The following CKAP5 variants were observed in gnomAD, a reference collection of about 807,000 sequenced individuals.
The protein encoded by CKAP5 is cytoskeleton associated protein 5.
CKAP5 carries 27 observed loss-of-function variants against 232.8 expected under a neutral mutation model. The ratio of observed to expected loss-of-function variants is 0.12; its 90% CI spans 0.09 to 0.16. The LOEUF is 0.16. Ranked by LOEUF, CKAP5 falls within the 10% of genes least tolerant of loss-of-function variation. The pLI is 1.00. For missense variants in CKAP5, 1,838 were observed against 2,424.7 expected (o/e 0.76, Z 5.08); for synonymous variants, 785 against 841.1 (o/e 0.93, Z 1.16).
chr11:46,835,312 C>T (rs567119233), intron 1 of CKAP5, among the ~76,000 whole-genome samples: 1 of 151,452 alleles, frequency 6.6e-6, no homozygotes, highest in Non-Finnish European at 1.5e-5. Context: ...ACACTGACAC[C>T]CCACTAGCAA....
intron 4 of CKAP5, among the ~76,000 whole-genome samples, chr11:46,812,952 AATTATT>A (rs1436558864): frequency 6.6e-6 from 1 of 151,782 alleles, no homozygotes; most frequent in Non-Finnish European, 1.5e-5. Context: ...TCCTGGCCTT[AATTATT>A]ATTATTATTT....
chr11:46,780,086 G>A, intron 20 of CKAP5, 108 bp downstream of exon 20: 2 of 1,217,002 alleles, frequency 1.6e-6, no homozygotes, highest in South Asian at 2.6e-5. Flanking sequence ...TCCTTCCTCA[G>A]GCTCCTGAGT....
intron 13 of CKAP5, among the ~76,000 whole-genome samples, chr11:46,794,690 G>C (rs117757755): frequency 0.016 from 2,431 of 152,082 alleles, 40 homozygotes; most frequent in Admixed American, 0.057. Flanking sequence ...TTAAAAATAA[G>C]CTGGGTATGG....
rs1051033621 is a variant in CKAP5 at position 46,743,778 on chromosome 11, G to C, written c.*245C>G. ...CTGGGAACTAGACTGAGCAGAGAGG[G>C]GGCAGCTGTTTACAAGTCTGTACAC... On this transcript the variant is annotated 3_prime_UTR_variant, in exon 44 of 44. Coordinates refer to ENST00000529230, the MANE Select transcript of CKAP5 (RefSeq NM_001008938.4). 1.4e-5 allele frequency: 7 copies of C among 517,584 alleles called. No individual in the cohort carries two copies. The highest frequency in any genetic ancestry group is 2.4e-5 in the Non-Finnish European group (7 of 287,320). 32.1% of individuals were successfully genotyped at this position (517,584 alleles called of 1,614,324 possible).
chr11:46,824,484 A>T (rs1939609247), intron 1 of CKAP5, among the ~76,000 whole-genome samples: 1 of 152,214 alleles, frequency 6.6e-6, no homozygotes, highest in Non-Finnish European at 1.5e-5. Context: ...GGATAGTCAT[A>T]GCAATGTTGT....
At chr11:46,789,444 T>C (rs1938645443) in intron 15 of CKAP5, among the ~76,000 whole-genome samples, 1 of 152,200 alleles carries the variant, frequency 6.6e-6, no homozygotes, top group Non-Finnish European at 1.5e-5. Context: ...GTGGTTTAAG[T>C]AGAGTGACCT....
chr11:46,845,900 G>C (rs1017467818), intron 1 of CKAP5, among the ~76,000 whole-genome samples: 3 of 151,982 alleles, frequency 2.0e-5, no homozygotes, highest in Admixed American at 2.0e-4. Flanking sequence ...CCTAGTCTTG[G>C]TAAATCGCTG....
At chr11:46,783,445 G>A in intron 17 of CKAP5, 77 bp from the exon 18 acceptor site, 1 of 893,340 alleles carries the variant, frequency 1.1e-6, no homozygotes, top group Non-Finnish European at 1.8e-6. Flanking sequence ...TAAGGCAGAT[G>A]TGCATTAAAC....
chr11:46,776,918 T>A (rs543539875), intron 23 of CKAP5, among the ~76,000 whole-genome samples: 1 of 152,164 alleles, frequency 6.6e-6, no homozygotes, highest in Admixed American at 6.6e-5. Flanking sequence ...CGGCTAAACA[T>A]TGTAACCTTC....
rs141554828 is a variant in CKAP5, at chr11:46,770,307, T to C, written c.3187-209A>G. 520 of 592,196 alleles carry C rather than the reference T, an allele frequency of 8.8e-4. 3 individuals carry two copies. In the African/African-American group the frequency reaches 9.2e-3, roughly 10 times the overall value. 36.7% of individuals were successfully genotyped at this position (592,196 alleles called of 1,614,324 possible). A position where few individuals can be genotyped will look rare whatever the true frequency, so the allele number is the denominator to read the frequency against. ...GTATCATTCTAGAAGGTCACAGTTT[T>C]CACCCCTGTGAGGTCAGCAGATTTT... On this transcript the variant is annotated intron_variant, in intron 25 of 43. Transcript: ENST00000529230.
chr11:46,769,996 C>G lies in CKAP5; in HGVS notation c.3289G>C (p.Gly1097Arg). Residue 1097 changes from glycine to arginine, a missense_variant, in exon 26 of 44, where the codon GGG (glycine) becomes CGG (arginine). By Grantham distance (125) the Gly-to-Arg change is moderately radical. Transcript: ENST00000529230. Reference protein sequence around the residue: ...PTKATSKPMGGSAPAKFQPAS... With the variant: ...PTKATSKPMGRSAPAKFQPAS... ...GGCTGGAATTTGGCTGGAGCGGACC[C>G]TCCCATTGGTTTAGAAGTTGCTTTA... 1.2e-6 allele frequency: 2 copies of G among 1,614,154 alleles called. No individual in the cohort carries two copies. Among genetic ancestry groups the G allele is most frequent in the Admixed American group, 1.7e-5 (1 of 60,014 alleles).
At position 46,755,075 on chromosome 11, in the gene CKAP5, C is replaced by G; in HGVS notation, c.4690-8G>C. 1 of 1,584,182 alleles carries G rather than the reference C, an allele frequency of 6.3e-7. No homozygotes were observed. The highest frequency in any genetic ancestry group is 2.3e-5 in the East Asian group (1 of 43,934). On this transcript the variant is annotated splice_region_variant and splice_polypyrimidine_tract_variant and intron_variant, in intron 35 of 43. Coordinates refer to ENST00000529230, the MANE Select transcript of CKAP5 (RefSeq NM_001008938.4). The stretch of plus-strand genomic sequence containing the variant: ...TCTCAGGACCTCATCGATCTGATAA[C>G]AAAAATTTCAAGATATATTTTCCAA...
chr11:46,783,598 T>A (rs1049925160), intron 17 of CKAP5, among the ~76,000 whole-genome samples: 4 of 48 alleles, frequency 0.083, no homozygotes, highest in Non-Finnish European at 0.5. Flanking sequence ...CATTATAATG[T>A]TTTTTTTTTT....
At chr11:46,806,110 C>T (rs556261296) in intron 8 of CKAP5, among the ~76,000 whole-genome samples, 80 of 152,244 alleles carry the variant, frequency 5.3e-4, no homozygotes, top group African/African-American at 1.9e-3. Context: ...ATTCCCTCCA[C>T]CCCACCACGT....
At chr11:46,766,104 G>A (rs1299346503) in intron 27 of CKAP5, among the ~76,000 whole-genome samples, 1 of 152,074 alleles carries the variant, frequency 6.6e-6, no homozygotes, top group Non-Finnish European at 1.5e-5. Context: ...GTAAACAATA[G>A]TACACATATT....
intron 1 of CKAP5, among the ~76,000 whole-genome samples, chr11:46,839,409 GA>G (rs1939998860): frequency 6.6e-6 from 1 of 152,190 alleles, no homozygotes; most frequent in Non-Finnish European, 1.5e-5. Flanking sequence ...CCAGAGGCAA[GA>G]ATAGGAAAAT....
intron 18 of CKAP5, among the ~76,000 whole-genome samples, chr11:46,782,283 G>A (rs1330296545): frequency 1.3e-5 from 2 of 152,164 alleles, no homozygotes; most frequent in Non-Finnish European, 2.9e-5. Flanking sequence ...GAACATTGTA[G>A]TGGCCAATAT....
At chr11:46,832,085 C>G (rs1939806797) in intron 1 of CKAP5, among the ~76,000 whole-genome samples, 1 of 152,016 alleles carries the variant, frequency 6.6e-6, no homozygotes. Context: ...GTTTTGAACT[C>G]CTGGACTCAA....
At chr11:46,808,672 A>C (rs1391849740) in intron 7 of CKAP5, among the ~76,000 whole-genome samples, 1 of 152,278 alleles carries the variant, frequency 6.6e-6, no homozygotes, top group African/African-American at 2.4e-5. Context: ...TATAATAAAC[A>C]AACAATGCCA....
Sources: allele counts gnomAD v4.1 joint callset (sites outside exome capture counted in the v4.1 genomes callset), GRCh38; gene constraint gnomAD v4.1.1; transcripts MANE v1.5; gene names NCBI Gene and HGNC (gene_info 2026-07-23, HGNC 2026-07-21).